The following IFT122 variants were observed in gnomAD, a reference collection of about 807,000 sequenced individuals.
IFT122 encodes the protein intraflagellar transport protein 122 homolog.
In IFT122, 118 loss-of-function variants were observed where a neutral mutation model predicts 161.6. The ratio of observed to expected loss-of-function variants is 0.73; its 90% CI spans 0.63 to 0.85. IFT122 has a LOEUF of 0.85. IFT122 is among the 40% of genes least tolerant of loss of function. The pLI, the probability that IFT122 is intolerant of heterozygous loss-of-function variation, is 0.00. For missense variants in IFT122, 1,381 were observed against 1,579.6 expected, an observed-to-expected ratio of 0.87 and a Z score of 2.13; for synonymous variants, 550 against 602.4, an observed-to-expected ratio of 0.91 and a Z score of 1.27.
rs184986105 is a variant in IFT122 at position 129,457,981 on chromosome 3, A to G, written c.194-618A>G. Reference sequence around the variant, plus strand: ...TCTCGATCTCCTGACCTCGTGATCCACCCGCCTCAGCCCTCCAAAGTGCTG... The same window carrying G: ...TCTCGATCTCCTGACCTCGTGATCCGCCCGCCTCAGCCCTCCAAAGTGCTG... On this transcript the variant is annotated intron_variant, in intron 3 of 29. Coordinates refer to ENST00000348417, the MANE Select transcript of IFT122 (RefSeq NM_052989.3). 228 of 155,860 alleles carry G rather than the reference A, an allele frequency of 1.5e-3. 2 individuals are homozygous for G. In the East Asian group the frequency reaches 0.031, roughly 21 times the overall value. 9.7% of individuals were successfully genotyped at this position (155,860 alleles called of 1,614,324 possible). A position where few individuals can be genotyped will look rare whatever the true frequency, so the allele number is the denominator to read the frequency against.
At chr3:129,481,798 C>G (rs1463057785) in intron 14 of IFT122, 104 bp downstream of exon 14, 1 of 1,297,948 alleles carries the variant, frequency 7.7e-7, no homozygotes, top group Non-Finnish European at 1.1e-6. Context: ...CCAGGCAGGT[C>G]TCTGGGAGGG....
rs1210521634 is a variant in IFT122 at position 129,504,412 on chromosome 3, G to A, written c.2641G>A (p.Ala881Thr). 1.2e-6 allele frequency: 2 copies of A among 1,613,540 alleles called. No homozygotes were observed. Among genetic ancestry groups the A allele is most frequent in the South Asian group, 1.1e-5 (1 of 91,076 alleles). ...WLAENDRFEE[A>T]QKAFHKAGRQ... ...AGCAGAGAACGATCGCTTTGAGGAAGCCCAGAAAGGTAGGCAACACAGACT... is the reference window on the plus strand; with the variant it reads ...AGCAGAGAACGATCGCTTTGAGGAAACCCAGAAAGGTAGGCAACACAGACT... The change falls in exon 21 of 30, where the codon GCC becomes ACC. Residue 881 changes from alanine (A) to threonine (T), a missense_variant. Physicochemically the swap from Ala to Thr is moderately conservative, Grantham distance 58. Transcript: ENST00000348417.
At position 129,440,786 on chromosome 3, in the gene IFT122, A is replaced by G. The variant is rs3138332; in HGVS notation, c.41+415A>G. Among the ~76,000 whole-genome samples the G allele has an allele frequency of 8.9e-3, 1,361 of 152,380 alleles. 8 individuals are homozygous for G. Among genetic ancestry groups the G allele is most frequent in the South Asian group, 0.029 (141 of 4,832 alleles). ...TTTTAATTATGATTTCACATTTTAC[A>G]AGGAAACTTTATTACTCCATTTATG... On this transcript the variant is annotated intron_variant, in intron 1 of 29. Coordinates refer to ENST00000348417, the MANE Select transcript of IFT122 (RefSeq NM_052989.3).
chr3:129,459,720 CCT>C (rs2076006380), intron 4 of IFT122, among the ~76,000 whole-genome samples: 14 of 106,240 alleles, frequency 1.3e-4, no homozygotes, highest in Non-Finnish European at 2.2e-4. Flanking sequence ...TTCCTTCCTT[CCT>C]TCCTTCCCTC....
At chr3:129,467,321 C>A (rs2076917036) in intron 8 of IFT122, among the ~76,000 whole-genome samples, 1 of 152,186 alleles carries the variant, frequency 6.6e-6, no homozygotes, top group Non-Finnish European at 1.5e-5. Flanking sequence ...ACCCCATCCC[C>A]TGAGGAAATC....
intron 19 of IFT122, among the ~76,000 whole-genome samples, chr3:129,500,957 G>GAAGTAGC (rs1314768094): frequency 2.6e-5 from 4 of 152,326 alleles, no homozygotes; most frequent in South Asian, 4.1e-4. Flanking sequence ...GCATGAGAGA[G>GAAGTAGC]AAGTAGCAGT....
intron 15 of IFT122, among the ~76,000 whole-genome samples, chr3:129,485,713 G>C (rs1232795063): frequency 1.3e-5 from 2 of 152,270 alleles, no homozygotes; most frequent in Non-Finnish European, 2.9e-5. Context: ...TCTGACTGTG[G>C]CCGGCCAAGA....
chr3:129,486,928 A>T (rs1047639552), intron 15 of IFT122, among the ~76,000 whole-genome samples: 8 of 152,204 alleles, frequency 5.3e-5, no homozygotes, highest in African/African-American at 1.9e-4. Flanking sequence ...GGGAGCATTT[A>T]ATGTGCCAAT....
chr3:129,492,221 C>T, intron 17 of IFT122, 27 bp downstream of exon 17: 2 of 1,570,544 alleles, frequency 1.3e-6, no homozygotes, highest in South Asian at 1.1e-5. Context: ...TTTTCCTTCT[C>T]AAGAAGGCAT....
chr3:129,447,072 C>G (rs1462973889), intron 1 of IFT122, among the ~76,000 whole-genome samples: 3 of 152,238 alleles, frequency 2.0e-5, no homozygotes, highest in Non-Finnish European at 4.4e-5. Flanking sequence ...CTAGCAACAT[C>G]TTGCACATAG....
rs111395823 is a variant in IFT122, at chr3:129,501,642, C to A, written c.2376-1069C>A. On this transcript the variant is annotated intron_variant, in intron 19 of 29. Transcript: ENST00000348417. ...TGTAAGTGCTATAGTATCAGGTTAC[C>A]CTGAGGGTACTTGAGTAATTCAAGA... Among the ~76,000 whole-genome samples, 624 of 152,176 alleles carry A rather than the reference C, an allele frequency of 4.1e-3. 5 individuals are homozygous for A. The highest frequency in any genetic ancestry group is 0.015 in the African/African-American group (607 of 41,494).
At position 129,478,082 on chromosome 3, in the gene IFT122, T is replaced by G. The variant is rs762404658; in HGVS notation, c.1214T>G (p.Leu405Arg). The G allele has an allele frequency of 6.2e-7, 1 of 1,614,208 alleles. No homozygotes were observed. Among genetic ancestry groups the G allele is most frequent in the South Asian group, 1.1e-5 (1 of 91,082 alleles). ...AIYRNRLAIQ[L>R]PEKILIYELY... ...TACAGAAATCGATTGGCTATCCAAC[T>G]GCCAGAGAAAATCCTCATCTATGAG... Residue 405 changes from leucine to arginine, a missense_variant, in exon 12 of 30, where the codon CTG (leucine) becomes CGG (arginine). Physicochemically the swap from Leu to Arg is moderately radical, Grantham distance 102. Around this residue, in one of 7 missense-constraint regions of IFT122, gnomAD observed 544 missense variants for 648.0 expected, o/e 0.84. Transcript: ENST00000348417.
At chr3:129,475,078 G>C (rs1399666238) in intron 9 of IFT122, among the ~76,000 whole-genome samples, 2 of 152,130 alleles carry the variant, frequency 1.3e-5, no homozygotes, top group Non-Finnish European at 2.9e-5. Context: ...CAGAGGAATT[G>C]AGCCCAGAAG....
intron 13 of IFT122, among the ~76,000 whole-genome samples, chr3:129,480,232 G>C (rs978996772): frequency 2.6e-5 from 4 of 152,208 alleles, no homozygotes; most frequent in African/African-American, 7.2e-5. Context: ...TGCTTCTGTG[G>C]ATTTCTAGAG....
At chr3:129,472,448 A>AACT (rs2077463112) in intron 9 of IFT122, among the ~76,000 whole-genome samples, 9 of 152,096 alleles carry the variant, frequency 5.9e-5, no homozygotes, top group Admixed American at 5.9e-4. Flanking sequence ...TACAGGTGTG[A>AACT]GCCACCATAT....
At position 129,519,602 on chromosome 3, in the gene IFT122, G is replaced by C. The variant is rs372561450; in HGVS notation, c.3506G>C (p.Ser1169Thr). 6.2e-7 allele frequency: 1 copy of C among 1,613,572 alleles called. No homozygotes were observed. Among genetic ancestry groups the C allele is most frequent in the Non-Finnish European group, 8.5e-7 (1 of 1,180,010 alleles). ...TCAGAGTTCGTGCCAGTGGTGGTGA[G>C]CCGGCTGGTGCTGCGCTCCATGAGC... ...GGSEFVPVVV[S>T]RLVLRSMSRR... Residue 1169 changes from serine to threonine, a missense_variant, in exon 29 of 30, where the codon AGC becomes ACC. Ser to Thr is a moderately conservative substitution (Grantham distance 58). This residue lies in a region of IFT122 where 177 missense variants were observed against 199.2 expected (regional missense o/e 0.89). Transcript: ENST00000348417.
At position 129,492,214 on chromosome 3, in the gene IFT122, TC is replaced by T; in HGVS notation, c.2046+22del. The T allele has an allele frequency of 6.2e-7, 1 of 1,601,820 alleles. No individual in the cohort carries two copies. Among genetic ancestry groups the T allele is most frequent in the Non-Finnish European group, 8.6e-7 (1 of 1,168,984 alleles). ...ATTGAGGTAAAAGATGAAGCATTTTTCCTTCTCAAGAAGGCATACTTGGGGT... is the reference window on the plus strand; with the variant it reads ...ATTGAGGTAAAAGATGAAGCATTTTTCTTCTCAAGAAGGCATACTTGGGGT... On this transcript the variant is annotated intron_variant, in intron 17 of 29. Transcript: ENST00000348417.
chr3:129,483,371 A>G, intron 14 of IFT122, 114 bp from the exon 15 acceptor site: 1 of 895,994 alleles, frequency 1.1e-6, no homozygotes, highest in East Asian at 2.4e-5. Context: ...CCTCCATCCC[A>G]CTGTAAGCAA....
At chr3:129,507,833 A>G (rs1280120067) in intron 23 of IFT122, 71 bp downstream of exon 23, 2 of 1,125,398 alleles carry the variant, frequency 1.8e-6, no homozygotes, top group South Asian at 1.2e-5. Context: ...ATATCTAAAG[A>G]GCAGCAGACT....
Sources: gnomAD v4.1 joint callset for allele counts (sites outside exome capture counted in the v4.1 genomes callset) on GRCh38, gnomAD v4.1.1 for gene constraint, gnomAD v4.1.1 regional missense constraint, MANE v1.5 for transcripts, NCBI Gene and HGNC (gene_info 2026-07-23, HGNC 2026-07-21) for gene names.